The following NAALADL2 variants were observed in gnomAD, a reference collection of about 807,000 sequenced individuals.
NAALADL2 encodes the protein N-acetylated alpha-linked acidic dipeptidase like 2, also known as inactive N-acetylated-alpha-linked acidic dipeptidase-like protein 2.
Under a neutral mutation model 87.2 loss-of-function variants are expected in NAALADL2, and 76 were observed. That is an observed-to-expected ratio of 0.87 (90% CI 0.72 to 1.05). The LOEUF (loss-of-function observed/expected upper bound fraction) is 1.05. Ranked by LOEUF, NAALADL2 falls within the 50% of genes least tolerant of loss-of-function variation. The probability of loss-of-function intolerance (pLI) is 0.00; values close to 1 mark genes in which losing one functional copy is unlikely to be tolerated. For missense variants in NAALADL2, 1,089 were observed against 945.8 expected, an observed-to-expected ratio of 1.15 and a Z score of -1.99; for synonymous variants, 354 against 331.0, an observed-to-expected ratio of 1.07 and a Z score of -0.75.
chr3:174,719,230 C>T (rs1731483760), intron 2 of NAALADL2, among the ~76,000 whole-genome samples: 1 of 152,072 alleles, frequency 6.6e-6, no homozygotes, highest in African/African-American at 2.4e-5. Context: ...ATATAGATGG[C>T]ACTAGGTAAC....
At chr3:175,732,165 G>A (rs1460921770) in intron 11 of NAALADL2, among the ~76,000 whole-genome samples, 2 of 152,080 alleles carry the variant, frequency 1.3e-5, no homozygotes, top group African/African-American at 4.8e-5. Flanking sequence ...GGGGCAAAGG[G>A]AAAGCTTCCC....
chr3:175,377,402 G>T (rs1767263441), intron 5 of NAALADL2, among the ~76,000 whole-genome samples: 2 of 152,044 alleles, frequency 1.3e-5, no homozygotes, highest in Admixed American at 6.5e-5. Flanking sequence ...TTTAATTGTT[G>T]TTCTTACTTT....
intron 9 of NAALADL2, among the ~76,000 whole-genome samples, chr3:175,493,482 C>A (rs1466476582): frequency 6.6e-6 from 1 of 152,038 alleles, no homozygotes. Flanking sequence ...TCAAGTTAAT[C>A]CAAGCTCAAT....
chr3:174,481,820 G>A (rs982137308), intron 1 of NAALADL2, among the ~76,000 whole-genome samples: 1 of 152,040 alleles, frequency 6.6e-6, no homozygotes. Context: ...CAATAGAGGT[G>A]AAATGTTATC....
intron 13 of NAALADL2, among the ~76,000 whole-genome samples, chr3:175,799,222 GGAAGA>G (rs1209795922): frequency 1.3e-5 from 2 of 151,248 alleles, no homozygotes; most frequent in African/African-American, 4.9e-5. Flanking sequence ...ATAAAGTGAA[GGAAGA>G]GAATTCAAAA....
At chr3:175,285,380 T>A (rs555406843) in intron 4 of NAALADL2, among the ~76,000 whole-genome samples, 1 of 152,254 alleles carries the variant, frequency 6.6e-6, no homozygotes, top group South Asian at 2.1e-4. Flanking sequence ...CATCAGTACT[T>A]CCAAATTTTG....
At chr3:174,798,525 T>C (rs1301714260) in intron 3 of NAALADL2, among the ~76,000 whole-genome samples, 1 of 152,198 alleles carries the variant, frequency 6.6e-6, no homozygotes, top group Non-Finnish European at 1.5e-5. Flanking sequence ...TTGAAGAGTA[T>C]TGCCATTCTA....
chr3:175,768,421 A>G (rs1448431301), intron 13 of NAALADL2, among the ~76,000 whole-genome samples: 1 of 152,152 alleles, frequency 6.6e-6, no homozygotes. Context: ...TGTGTTGGTA[A>G]GGGCTCTGAA....
intron 2 of NAALADL2, among the ~76,000 whole-genome samples, chr3:175,228,097 T>C (rs374638631): frequency 9.2e-5 from 14 of 151,946 alleles, no homozygotes; most frequent in Non-Finnish European, 2.1e-4. Context: ...TTTTTATTGA[T>C]ATACTTGTAT....
chr3:175,481,533 T>A (rs9290559), intron 9 of NAALADL2, among the ~76,000 whole-genome samples: 2 of 151,530 alleles, frequency 1.3e-5, no homozygotes, highest in Non-Finnish European at 3.0e-5. Flanking sequence ...CTTGAAAAAA[T>A]GGTTTGACTA....
At chr3:175,332,713 C>T (rs1362674991) in intron 5 of NAALADL2, among the ~76,000 whole-genome samples, 3 of 152,090 alleles carry the variant, frequency 2.0e-5, no homozygotes, top group African/African-American at 7.2e-5. Context: ...CTGTAGCTGT[C>T]GGATGAAATG....
chr3:174,568,973 A>G (rs1216816453), intron 2 of NAALADL2, among the ~76,000 whole-genome samples: 2 of 151,640 alleles, frequency 1.3e-5, no homozygotes, highest in African/African-American at 4.8e-5. Context: ...TTTTACCCAT[A>G]TAAAAGCTAA....
intron 2 of NAALADL2, among the ~76,000 whole-genome samples, chr3:175,206,244 C>CTATATATA (rs200530639): frequency 1.9e-5 from 2 of 107,990 alleles, no homozygotes; most frequent in Non-Finnish European, 3.4e-5. Flanking sequence ...GGATAAAAAA[C>CTATATATA]TATATATATA....
At chr3:174,719,269 T>A (rs1731487938) in intron 2 of NAALADL2, among the ~76,000 whole-genome samples, 1 of 152,214 alleles carries the variant, frequency 6.6e-6, no homozygotes, top group African/African-American at 2.4e-5. Context: ...TCAACTTTCT[T>A]TTGAAAAATA....
intron 9 of NAALADL2, among the ~76,000 whole-genome samples, chr3:175,511,454 A>T (rs1731140741): frequency 6.6e-6 from 1 of 152,220 alleles, no homozygotes; most frequent in East Asian, 1.9e-4. Flanking sequence ...GCACAAAGGA[A>T]GGGCCACGTG....
At chr3:174,701,927 G>A (rs1729591248) in intron 2 of NAALADL2, among the ~76,000 whole-genome samples, 1 of 152,146 alleles carries the variant, frequency 6.6e-6, no homozygotes, top group Admixed American at 6.5e-5. Context: ...GTATAGACAT[G>A]TATGTTTATT....
intron 1 of NAALADL2, among the ~76,000 whole-genome samples, chr3:174,894,691 C>G (rs949751639): frequency 7.3e-6 from 1 of 137,782 alleles, no homozygotes; most frequent in Non-Finnish European, 1.5e-5. Context: ...CAACATAGAT[C>G]TAATAGATAT....
At chr3:175,221,380 A>T (rs954029536) in intron 2 of NAALADL2, among the ~76,000 whole-genome samples, 2 of 152,054 alleles carry the variant, frequency 1.3e-5, no homozygotes, top group Non-Finnish European at 2.9e-5. Flanking sequence ...CTCGAAGTGT[A>T]TTGAGACTTG....
intron 12 of NAALADL2, among the ~76,000 whole-genome samples, chr3:175,739,369 G>T (rs950912433): frequency 3.9e-5 from 6 of 152,054 alleles, no homozygotes; most frequent in Non-Finnish European, 7.4e-5. Flanking sequence ...CATTTCAATT[G>T]TCTGACATAA....
Sources: gnomAD v4.1 joint callset for allele counts (sites outside exome capture counted in the v4.1 genomes callset) on GRCh38, gnomAD v4.1.1 for gene constraint, MANE v1.5 for transcripts, NCBI Gene and HGNC (gene_info 2026-07-23, HGNC 2026-07-21) for gene names.